Variants in CCDC102B observed in about 807,000 individuals in gnomAD.
CCDC102B encodes coiled-coil domain-containing protein 102B.
Under a neutral mutation model 57.4 loss-of-function variants are expected in CCDC102B, and 75 were observed. The observed-to-expected ratio is 1.31, with a 90% CI of 1.08 to 1.58. CCDC102B has a LOEUF of 1.58. Among genes scored for constraint, CCDC102B ranks in the 40% most tolerant of loss-of-function variants. The probability of loss-of-function intolerance (pLI) is 0.00; values close to 1 mark genes in which losing one functional copy is unlikely to be tolerated. For missense variants in CCDC102B, 636 were observed against 582.6 expected (o/e 1.09, Z -0.94); for synonymous variants, 206 against 201.9 (o/e 1.02, Z -0.17).
chr18:69,038,594 T>C (rs1345939105), intron 7 of CCDC102B, among the ~76,000 whole-genome samples: 2 of 151,922 alleles, frequency 1.3e-5, no homozygotes, highest in African/African-American at 4.8e-5. Flanking sequence ...CCATAAGGGA[T>C]CCTTCCTGCC....
intron 4 of CCDC102B, among the ~76,000 whole-genome samples, chr18:68,848,182 G>A (rs1300401297): frequency 6.6e-6 from 1 of 151,860 alleles, no homozygotes; most frequent in East Asian, 1.9e-4. Context: ...ACAAGTATAA[G>A]AGTAAAATAT....
chr18:69,031,805 G>A (rs1235065611), intron 7 of CCDC102B, among the ~76,000 whole-genome samples: 1 of 151,996 alleles, frequency 6.6e-6, no homozygotes, highest in East Asian at 1.9e-4. Flanking sequence ...TAATAACTGG[G>A]CTGAATTCCC....
rs1374215849 is a variant in CCDC102B, at chr18:68,761,503, T to G, written c.-67+44909T>G. On this transcript the variant is annotated intron_variant, in intron 2 of 3. Coordinates refer to the CCDC102B transcript ENST00000578970. ...GAGTGTGAATTTGTCAAATTCTCAA[T>G]TTTAAAATAATTTTTTATTTAAATA... Among the ~76,000 whole-genome samples, 6 of 151,614 alleles carry G rather than the reference T, an allele frequency of 4.0e-5. No homozygotes were observed. The East Asian group carries it at 1.2e-3, about 29-fold the overall frequency.
chr18:68,785,528 T>C (rs1214924998), intron 2 of CCDC102B, among the ~76,000 whole-genome samples: 2 of 151,632 alleles, frequency 1.3e-5, no homozygotes, highest in Non-Finnish European at 2.9e-5. Flanking sequence ...TTCTAACTGG[T>C]GTGAGATGGT....
At chr18:68,797,500 C>T (rs867203711), upstream of CCDC102B, among the ~76,000 whole-genome samples, 1 of 152,028 alleles carries the variant, frequency 6.6e-6, no homozygotes, top group East Asian at 1.9e-4. Context: ...TCTTTTTCCC[C>T]AGGGAAAGGG....
At chr18:68,981,129 T>C (rs980653836) in intron 6 of CCDC102B, among the ~76,000 whole-genome samples, 2 of 152,026 alleles carry the variant, frequency 1.3e-5, no homozygotes, top group African/African-American at 4.8e-5. Flanking sequence ...ATATGCATGT[T>C]TTAATTAATA....
intron 2 of CCDC102B, among the ~76,000 whole-genome samples, chr18:68,782,449 T>C (rs1452050721): frequency 6.6e-6 from 1 of 152,194 alleles, no homozygotes; most frequent in Non-Finnish European, 1.5e-5. Flanking sequence ...GCTATGTCTG[T>C]GTATAGGAAA....
intron 6 of CCDC102B, among the ~76,000 whole-genome samples, chr18:68,922,301 A>T (rs1391898081): frequency 6.6e-6 from 1 of 152,190 alleles, no homozygotes; most frequent in African/African-American, 2.4e-5. Context: ...CAACTCATAC[A>T]AGAATTGCTG....
intron 6 of CCDC102B, among the ~76,000 whole-genome samples, chr18:68,939,793 C>T (rs2035586627): frequency 6.6e-6 from 1 of 151,692 alleles, no homozygotes; most frequent in South Asian, 2.1e-4. Context: ...ATAAAAATTA[C>T]CACAATCCAC....
chr18:68,802,938 C>A (rs1230197331), intron 1 of CCDC102B, among the ~76,000 whole-genome samples: 2 of 152,144 alleles, frequency 1.3e-5, no homozygotes, highest in Non-Finnish European at 2.9e-5. Context: ...AAAAGTATTT[C>A]TGGCCAAATA....
intron 6 of CCDC102B, among the ~76,000 whole-genome samples, chr18:68,935,032 T>C: frequency 6.6e-6 from 1 of 151,858 alleles, no homozygotes; most frequent in Non-Finnish European, 1.5e-5. Flanking sequence ...ATGCCTGTAG[T>C]GATGTGGGTG....
Position 68,837,124 on chromosome 18 carries a change from A to G in CCDC102B, c.361A>G (p.Arg121Gly). 1 of 1,614,158 alleles carries G rather than the reference A, an allele frequency of 6.2e-7. No homozygotes were observed. The highest frequency in any genetic ancestry group is 8.5e-7 in the Non-Finnish European group (1 of 1,180,028). ...AAGGAACAGTGCCAGGGAGGAAGGA[A>G]GACAACTCAGAATAAAACTAGAGAT... ...AERNSAREEG[R>G]QLRIKLEMAM... is the part of the protein sequence containing the mutation. The change falls in exon 2 of 8, where the codon AGA becomes GGA. Residue 121 changes from arginine to glycine, a missense_variant. Coordinates refer to ENST00000360242, the MANE Select transcript of CCDC102B (RefSeq NM_024781.3).
At chr18:68,998,989 TATATATATATAG>T (rs1247053581) in intron 6 of CCDC102B, among the ~76,000 whole-genome samples, 927 of 75,020 alleles carry the variant, frequency 0.012, no homozygotes, top group East Asian at 0.044. Flanking sequence ...TATATATATA[TATATATATATAG>T]AGAGAGAGAG....
chr18:68,820,071 T>C lies in CCDC102B; in HGVS notation c.-15-16678T>C, dbSNP rs984321909. Among the ~76,000 whole-genome samples, 10 of 152,202 alleles carry C rather than the reference T, an allele frequency of 6.6e-5. No individual in the cohort carries two copies. The East Asian group carries it at 1.7e-3, about 26-fold the overall frequency. On this transcript the variant is annotated intron_variant, in intron 1 of 7. Transcript: ENST00000360242. ...TAATTTCCTTTCCTCATCACACTAA[T>C]GGCTAGACTTCTCCTTTTGTATAAT...
intron 2 of CCDC102B, among the ~76,000 whole-genome samples, chr18:68,749,809 C>T (rs770607648): frequency 1.9e-4 from 29 of 152,224 alleles, no homozygotes; most frequent in East Asian, 9.6e-4. Context: ...ACTTCCTAGA[C>T]CTAAAACCAT....
intron 7 of CCDC102B, among the ~76,000 whole-genome samples, chr18:69,030,150 A>T (rs2052100222): frequency 6.6e-6 from 1 of 152,234 alleles, no homozygotes; most frequent in African/African-American, 2.4e-5. Flanking sequence ...ACAAACCTAA[A>T]TTGATCATAA....
chr18:69,015,152 G>A (rs8088066), intron 7 of CCDC102B, among the ~76,000 whole-genome samples: 3,959 of 152,222 alleles, frequency 0.026, 179 homozygotes, highest in African/African-American at 0.089. Context: ...TTTAGGAATC[G>A]TAGTATCACA....
At chr18:68,730,792 T>C (rs1225910157) in intron 2 of CCDC102B, among the ~76,000 whole-genome samples, 1 of 152,198 alleles carries the variant, frequency 6.6e-6, no homozygotes. Flanking sequence ...AGAAAATGTC[T>C]TCTACATGAT....
intron 4 of CCDC102B, chr18:68,866,599 CTCCTTTGGGAACCTTAG>C (rs1188991574): frequency 3.4e-6 from 1 of 297,874 alleles, no homozygotes; most frequent in Non-Finnish European, 6.7e-6. Context: ...AGAAAAGCTG[CTCCTTTGGGAACCTTAG>C]TCAAAAAAGA....
Sources: gnomAD v4.1 joint callset for allele counts (sites outside exome capture counted in the v4.1 genomes callset) on GRCh38, gnomAD v4.1.1 for gene constraint, MANE v1.5 for transcripts, NCBI Gene and HGNC (gene_info 2026-07-23, HGNC 2026-07-21) for gene names.